NXPH1: variants seen among roughly 807,000 people sequenced by gnomAD.
NXPH1 encodes neurexophilin-1.
In NXPH1, 5 loss-of-function variants were observed where a neutral mutation model predicts 23.7. The observed-to-expected ratio is 0.21, with a 90% CI of 0.11 to 0.44. The LOEUF is 0.44. NXPH1 is among the 20% of genes least tolerant of loss of function. The probability of loss-of-function intolerance (pLI) is 0.99; values close to 1 mark genes in which losing one functional copy is unlikely to be tolerated. For synonymous variants in NXPH1, 144 were observed against 122.2 expected (o/e 1.18, Z -1.18); for missense variants, 324 against 321.6 (o/e 1.01, Z -0.06).
At position 8,607,897 on chromosome 7, in the gene NXPH1, C is replaced by T. The variant is rs189839259; in HGVS notation, c.55-143111C>T. On this transcript the variant is annotated intron_variant, in intron 2 of 2. Transcript: ENST00000405863. ...CTCTTAATCCAATATGACTGGTGCC[C>T]TCGTGAGGTGAGAAGAGACACACAC... Among the ~76,000 whole-genome samples, 5 of 152,292 alleles carry T rather than the reference C, an allele frequency of 3.3e-5. No homozygotes were observed. In the East Asian group the frequency reaches 7.7e-4, roughly 24 times the overall value.
chr7:8,654,263 G>C (rs1200356228), intron 2 of NXPH1, among the ~76,000 whole-genome samples: 1 of 151,946 alleles, frequency 6.6e-6, no homozygotes, highest in Non-Finnish European at 1.5e-5. Context: ...AGATTTCCTG[G>C]AGTTAGATTC....
At chr7:8,689,368 T>C (rs75073426) in intron 2 of NXPH1, among the ~76,000 whole-genome samples, 3,888 of 149,506 alleles carry the variant, frequency 0.026, 157 homozygotes, top group East Asian at 0.19. Context: ...GCAGGAAACA[T>C]AGGACATATT....
intron 2 of NXPH1, among the ~76,000 whole-genome samples, chr7:8,470,870 AT>A (rs1269705057): frequency 0.025 from 3,776 of 149,034 alleles, 158 homozygotes; most frequent in African/African-American, 0.087. Context: ...ATGAAAATTG[AT>A]TTTTTTTTTT....
intron 2 of NXPH1, among the ~76,000 whole-genome samples, chr7:8,658,704 A>G (rs1220935262): frequency 2.6e-5 from 4 of 152,212 alleles, no homozygotes; most frequent in Admixed American, 2.6e-4. Flanking sequence ...CACTATGTGT[A>G]TTATTTTATA....
intron 2 of NXPH1, among the ~76,000 whole-genome samples, chr7:8,725,848 C>A (rs7793409): frequency 0.18 from 26,625 of 151,892 alleles, 2,415 homozygotes; most frequent in Admixed American, 0.22. Context: ...CACTCAGCAC[C>A]TGGAAAGTTC....
intron 2 of NXPH1, among the ~76,000 whole-genome samples, chr7:8,565,288 T>C (rs1264422790): frequency 6.6e-6 from 1 of 151,798 alleles, no homozygotes; most frequent in Non-Finnish European, 1.5e-5. Context: ...TCAAGAGTAT[T>C]TACCAAGAAC....
At chr7:8,551,573 A>C (rs542595668) in intron 2 of NXPH1, among the ~76,000 whole-genome samples, 2 of 151,682 alleles carry the variant, frequency 1.3e-5, no homozygotes, top group South Asian at 4.1e-4. Context: ...TAAAATAAGA[A>C]TTATCCTTTA....
chr7:8,720,221 G>T lies in NXPH1; in HGVS notation c.55-30787G>T, dbSNP rs140255595. Among the ~76,000 whole-genome samples, 77 of 152,270 alleles carry T rather than the reference G, an allele frequency of 5.1e-4. No individual in the cohort carries two copies. The Middle Eastern group carries it at 0.017, about 34-fold the overall frequency. The stretch of plus-strand genomic sequence containing the variant: ...AAATGTACACTCTTAAATAGCAATA[G>T]GTAGTACAACCACCTTTCATTTGGT... On this transcript the variant is annotated intron_variant, in intron 2 of 2. Transcript: ENST00000405863.
intron 2 of NXPH1, among the ~76,000 whole-genome samples, chr7:8,515,627 T>A (rs1284079087): frequency 6.6e-6 from 1 of 152,184 alleles, no homozygotes; most frequent in Non-Finnish European, 1.5e-5. Context: ...ACACAACTCA[T>A]GAATTCCACA....
At chr7:8,562,326 A>AG (rs1818459763) in intron 2 of NXPH1, among the ~76,000 whole-genome samples, 1 of 151,702 alleles carries the variant, frequency 6.6e-6, no homozygotes, top group Non-Finnish European at 1.5e-5. Flanking sequence ...TAGGCAGGGG[A>AG]GCTGATGTCT....
chr7:8,636,437 T>C (rs2115138797), intron 2 of NXPH1, among the ~76,000 whole-genome samples: 1 of 152,306 alleles, frequency 6.6e-6, no homozygotes, highest in South Asian at 2.1e-4. Flanking sequence ...TTTCTCCCCA[T>C]ATTAATAGGT....
chr7:8,642,462 T>C (rs1166694241), intron 2 of NXPH1, among the ~76,000 whole-genome samples: 1 of 152,224 alleles, frequency 6.6e-6, no homozygotes, highest in African/African-American at 2.4e-5. Context: ...CATGTTTTCC[T>C]TCATTTGGCA....
intron 2 of NXPH1, among the ~76,000 whole-genome samples, chr7:8,570,128 A>C (rs1818617269): frequency 6.6e-6 from 1 of 151,892 alleles, no homozygotes; most frequent in Non-Finnish European, 1.5e-5. Flanking sequence ...ATTTTATGAC[A>C]AAAAAGATAC....
At chr7:8,665,483 G>C (rs1048255784) in intron 2 of NXPH1, among the ~76,000 whole-genome samples, 1 of 151,866 alleles carries the variant, frequency 6.6e-6, no homozygotes, top group Non-Finnish European at 1.5e-5. Context: ...GTTCAAGATT[G>C]CTTTGGCCAT....
intron 2 of NXPH1, among the ~76,000 whole-genome samples, chr7:8,653,796 T>A (rs980707485): frequency 2.0e-5 from 3 of 152,230 alleles, no homozygotes; most frequent in African/African-American, 7.2e-5. Flanking sequence ...AGTTTTCATC[T>A]TATCAGAAAC....
chr7:8,669,062 G>C (rs982619808), intron 2 of NXPH1, among the ~76,000 whole-genome samples: 1 of 152,202 alleles, frequency 6.6e-6, no homozygotes, highest in African/African-American at 2.4e-5. Context: ...CACAGGGATG[G>C]TCCTGGAGCT....
intron 2 of NXPH1, among the ~76,000 whole-genome samples, chr7:8,663,097 T>G (rs1377296339): frequency 1.3e-5 from 2 of 152,018 alleles, no homozygotes; most frequent in African/African-American, 2.4e-5. Flanking sequence ...AGTCAGAGGG[T>G]ATCAGGATGT....
intron 2 of NXPH1, among the ~76,000 whole-genome samples, chr7:8,511,439 C>T (rs1402757249): frequency 1.3e-5 from 2 of 152,126 alleles, no homozygotes; most frequent in African/African-American, 4.8e-5. Context: ...GCGGCCTGGG[C>T]TCCACTGCTG....
At chr7:8,641,460 T>G (rs1820309928) in intron 2 of NXPH1, among the ~76,000 whole-genome samples, 1 of 152,060 alleles carries the variant, frequency 6.6e-6, no homozygotes, top group African/African-American at 2.4e-5. Flanking sequence ...CTTTTTTTTT[T>G]CCTGGAGAGC....
Sources: allele counts gnomAD v4.1 joint callset (sites outside exome capture counted in the v4.1 genomes callset), GRCh38; gene constraint gnomAD v4.1.1; transcripts MANE v1.5; gene names NCBI Gene and HGNC (gene_info 2026-07-23, HGNC 2026-07-21).